SLTM: variants seen among roughly 807,000 people sequenced by gnomAD.
SLTM encodes SAFB-like transcription modulator.
SLTM carries 43 observed loss-of-function variants against 134.6 expected under a neutral mutation model. The observed-to-expected ratio is 0.32, with a 90% CI of 0.25 to 0.41. The LOEUF is 0.41. Ranked by LOEUF, SLTM falls within the 10% of genes least tolerant of loss-of-function variation. The probability of loss-of-function intolerance (pLI) is 1.00; values close to 1 mark genes in which losing one functional copy is unlikely to be tolerated. For synonymous variants in SLTM, 424 were observed against 432.3 expected, an observed-to-expected ratio of 0.98 and a Z score of 0.24; for missense variants, 1,055 against 1,288.8, an observed-to-expected ratio of 0.82 and a Z score of 2.78.
At chr15:58,910,793 G>C (rs2036216797) in intron 5 of SLTM, among the ~76,000 whole-genome samples, 2 of 145,560 alleles carry the variant, frequency 1.4e-5, no homozygotes, top group African/African-American at 2.6e-5. Flanking sequence ...TGCCTAGGCT[G>C]GAGTGTAGTG....
intron 12 of SLTM, 69 bp downstream of exon 12, chr15:58,893,752 T>G: frequency 2.7e-6 from 4 of 1,494,352 alleles, no homozygotes; most frequent in Non-Finnish European, 3.6e-6. Context: ...AATTTCAGGT[T>G]TTCCCTTCCA....
At chr15:58,892,202 C>A (rs1358958023) in intron 14 of SLTM, among the ~76,000 whole-genome samples, 2 of 152,056 alleles carry the variant, frequency 1.3e-5, no homozygotes, top group Non-Finnish European at 2.9e-5. Flanking sequence ...AAAACACACC[C>A]ACAAGACTAT....
At chr15:58,889,686 G>T in intron 15 of SLTM, 132 bp from the exon 16 acceptor site, 1 of 1,032,756 alleles carries the variant, frequency 9.7e-7, no homozygotes, top group South Asian at 1.7e-5. Context: ...ACAAACCTAT[G>T]ACACCTAAAT....
chr15:58,886,835 A>T, intron 19 of SLTM, 140 bp downstream of exon 19: 1 of 1,020,986 alleles, frequency 9.8e-7, no homozygotes, highest in Non-Finnish European at 1.4e-6. Context: ...TTAAAAATTT[A>T]AATAAAAAAT....
At chr15:58,925,812 A>G (rs574709191) in intron 2 of SLTM, among the ~76,000 whole-genome samples, 3 of 152,350 alleles carry the variant, frequency 2.0e-5, no homozygotes, top group East Asian at 1.9e-4. Context: ...CAAGACTGTC[A>G]AAGGTAATTT....
rs1485297321 is a variant in SLTM at position 58,897,109 on chromosome 15, A to G, written c.1227+6T>C. 2 of 1,535,810 alleles carry G rather than the reference A, an allele frequency of 1.3e-6. No individual in the cohort carries two copies. The highest frequency in any genetic ancestry group is 3.3e-5 in the Admixed American group (2 of 59,834). ...AAAGACAGATAAAAAGGTAAAAAGA[A>G]TGTACCTTTCCATATTTGCCAAAGA... On this transcript the variant is annotated splice_donor_region_variant and intron_variant, in intron 9 of 20. Coordinates refer to ENST00000380516, the MANE Select transcript of SLTM (RefSeq NM_024755.4).
chr15:58,884,540 A>G (rs1039761925), intron 19 of SLTM, among the ~76,000 whole-genome samples: 2 of 151,770 alleles, frequency 1.3e-5, no homozygotes, highest in Non-Finnish European at 1.5e-5. Context: ...GATGGTCTTG[A>G]TCTCTTGACT....
intron 5 of SLTM, among the ~76,000 whole-genome samples, chr15:58,903,957 A>G (rs2035679908): frequency 6.6e-6 from 1 of 152,202 alleles, no homozygotes; most frequent in South Asian, 2.1e-4. Context: ...GTACATTTGG[A>G]TAATAATTTC....
intron 13 of SLTM, 93 bp from the exon 14 acceptor site, chr15:58,893,153 T>C: frequency 7.2e-7 from 1 of 1,396,918 alleles, no homozygotes; most frequent in East Asian, 2.3e-5. Flanking sequence ...TTCAAATGAC[T>C]AGTAACATTT....
At chr15:58,897,556 T>G (rs1356137613) in intron 8 of SLTM, 2 of 177,200 alleles carry the variant, frequency 1.1e-5, no homozygotes, top group East Asian at 2.9e-4. Context: ...GAAGCAGTCA[T>G]TTAGGAATGA....
intron 5 of SLTM, among the ~76,000 whole-genome samples, chr15:58,910,777 G>A (rs2036215355): frequency 6.9e-6 from 1 of 145,038 alleles, no homozygotes; most frequent in Non-Finnish European, 1.5e-5. Context: ...ACAAGTCTCG[G>A]TCTGTTGCCT....
chr15:58,883,934 C>A, intron 19 of SLTM, 148 bp from the exon 20 acceptor site: 1 of 765,028 alleles, frequency 1.3e-6, no homozygotes, highest in Non-Finnish European at 2.0e-6. Context: ...CCCGTTTCTA[C>A]TAAAAATACA....
chr15:58,896,361 T>G (rs909539853), intron 9 of SLTM, among the ~76,000 whole-genome samples: 1 of 152,040 alleles, frequency 6.6e-6, no homozygotes, highest in East Asian at 1.9e-4. Flanking sequence ...GAGTTTGAGA[T>G]CAGCCTGGCC....
In SLTM at chr15:58,893,912, C is replaced by T. The variant is rs1232335637; in HGVS notation, c.1557G>A (p.Lys519=). Residue 519 remains lysine, a synonymous_variant, in exon 12 of 21, where the codon AAG becomes AAA. Transcript: ENST00000380516. ...KSEKKESKDT[K]KIEGKDEKND... ...TCTTCTCATCTTTACCTTCTATTTTCTTAGTATCCTTGCTTTCTTTTTTTT... is the reference window on the plus strand; with the variant it reads ...TCTTCTCATCTTTACCTTCTATTTTTTTAGTATCCTTGCTTTCTTTTTTTT... The T allele has an allele frequency of 6.2e-7, 1 of 1,613,026 alleles. No individual in the cohort carries two copies. The highest frequency in any genetic ancestry group is 8.5e-7 in the Non-Finnish European group (1 of 1,179,806).
chr15:58,890,496 A>C, intron 14 of SLTM, 35 bp from the exon 15 acceptor site: 5 of 1,581,990 alleles, frequency 3.2e-6, no homozygotes, highest in Non-Finnish European at 4.3e-6. Flanking sequence ...TACTTAAATT[A>C]TGCTAGCACT....
chr15:58,898,964 C>T (rs918139964), intron 7 of SLTM, 112 bp from the exon 8 acceptor site: 11 of 743,034 alleles, frequency 1.5e-5, no homozygotes, highest in Non-Finnish European at 2.2e-5. Flanking sequence ...TACAAATTAA[C>T]AATTCCAAAG....
intron 5 of SLTM, among the ~76,000 whole-genome samples, chr15:58,902,975 C>T (rs1392016881): frequency 2.0e-5 from 3 of 152,108 alleles, no homozygotes; most frequent in African/African-American, 4.8e-5. Flanking sequence ...GATCTTGGCT[C>T]ACTGCAACTT....
chr15:58,905,918 A>G (rs1326046407), intron 5 of SLTM, among the ~76,000 whole-genome samples: 1 of 152,232 alleles, frequency 6.6e-6, no homozygotes, highest in Admixed American at 6.5e-5. Flanking sequence ...TATGACATAC[A>G]TTTATATGCC....
Position 58,893,289 on chromosome 15 carries a change from C to A in SLTM, c.1724G>T (p.Arg575Ile). The change falls in exon 13 of 21, where the codon AGA becomes ATA. Residue 575 changes from arginine to isoleucine, a missense_variant. Arg to Ile is a moderately conservative substitution (Grantham distance 97). This residue lies in a region of SLTM where 776 missense variants were observed against 962.2 expected (regional missense o/e 0.81). Coordinates refer to ENST00000380516, the MANE Select transcript of SLTM (RefSeq NM_024755.4). Reference protein sequence around the residue: ...GDHCRPSRRGRYEKIHGRSKE... With the variant: ...GDHCRPSRRGIYEKIHGRSKE... ...TGATCAGAGACTTACTTTCTCATAT[C>A]TTCCTCTTCTTGATGGTCTACAATG... The A allele has an allele frequency of 6.2e-7, 1 of 1,608,940 alleles. No homozygotes were observed. Among genetic ancestry groups the A allele is most frequent in the Non-Finnish European group, 8.5e-7 (1 of 1,176,908 alleles).
Sources: allele counts gnomAD v4.1 joint callset (sites outside exome capture counted in the v4.1 genomes callset), GRCh38; gene constraint gnomAD v4.1.1; regional missense constraint gnomAD v4.1.1; transcripts MANE v1.5; gene names NCBI Gene and HGNC (gene_info 2026-07-23, HGNC 2026-07-21).